The following CNTN5 variants were observed in gnomAD, a reference collection of about 807,000 sequenced individuals.
The protein encoded by CNTN5 is contactin-5.
A neutral mutation model predicts 129.1 loss-of-function variants in CNTN5; 77 were observed. That is an observed-to-expected ratio of 0.60 (90% confidence interval 0.50 to 0.72). The LOEUF (loss-of-function observed/expected upper bound fraction) is 0.72, where lower values mean the gene tolerates loss of function less well. Among genes scored for constraint, CNTN5 ranks in the 30% least tolerant of loss-of-function variants. The pLI, the probability that CNTN5 is intolerant of heterozygous loss-of-function variation, is 0.00. For missense variants in CNTN5, 1,478 were observed against 1,328.8 expected (o/e 1.11, Z -1.75); for synonymous variants, 509 against 465.6 (o/e 1.09, Z -1.20).
At chr11:99,557,233 T>C (rs1432994451) in intron 3 of CNTN5, among the ~76,000 whole-genome samples, 4 of 151,342 alleles carry the variant, frequency 2.6e-5, no homozygotes, top group Admixed American at 2.6e-4. Flanking sequence ...TCTATGCAAA[T>C]ATTGATATAA....
intron 3 of CNTN5, among the ~76,000 whole-genome samples, chr11:99,614,949 ATG>A (rs201480165): frequency 2.0e-5 from 3 of 151,052 alleles, no homozygotes; most frequent in Non-Finnish European, 4.4e-5. Context: ...ACTGTTGTTT[ATG>A]TGTGTGTGTG....
chr11:100,195,801 C>T (rs965569990), intron 15 of CNTN5, among the ~76,000 whole-genome samples: 3 of 151,916 alleles, frequency 2.0e-5, no homozygotes, highest in South Asian at 2.1e-4. Flanking sequence ...GGACACACAC[C>T]AGAGAAAATA....
intron 24 of CNTN5, among the ~76,000 whole-genome samples, chr11:100,355,208 G>C (rs1952495090): frequency 6.7e-6 from 1 of 149,760 alleles, no homozygotes; most frequent in African/African-American, 2.5e-5. Flanking sequence ...ATTTTATTTT[G>C]TTTGCTTTTT....
intron 9 of CNTN5, among the ~76,000 whole-genome samples, chr11:100,020,648 C>T (rs1941091667): frequency 6.6e-6 from 1 of 152,008 alleles, no homozygotes. Context: ...TCTCTGTTTG[C>T]AGATGACATA....
chr11:99,712,133 C>G (rs1370139407), intron 3 of CNTN5, among the ~76,000 whole-genome samples: 1 of 152,116 alleles, frequency 6.6e-6, no homozygotes, highest in East Asian at 1.9e-4. Flanking sequence ...CACGTCCTCT[C>G]CAGCATCTGT....
At chr11:99,655,583 A>G (rs1952325425) in intron 3 of CNTN5, among the ~76,000 whole-genome samples, 1 of 152,096 alleles carries the variant, frequency 6.6e-6, no homozygotes, top group Non-Finnish European at 1.5e-5. Flanking sequence ...AGTGTCAGTA[A>G]ATTACTCCCT....
chr11:99,732,809 A>T (rs182549447), intron 3 of CNTN5, among the ~76,000 whole-genome samples: 1 of 152,114 alleles, frequency 6.6e-6, no homozygotes, highest in East Asian at 1.9e-4. Flanking sequence ...GAATAGTATG[A>T]AAGATTAGTG....
At chr11:100,027,361 G>A (rs1298480041) in intron 9 of CNTN5, among the ~76,000 whole-genome samples, 1 of 152,086 alleles carries the variant, frequency 6.6e-6, no homozygotes, top group East Asian at 1.9e-4. Context: ...TGCTTTTTCA[G>A]ATAGGAACTG....
intron 13 of CNTN5, among the ~76,000 whole-genome samples, chr11:100,141,191 C>T (rs1418361418): frequency 1.3e-5 from 2 of 152,064 alleles, no homozygotes; most frequent in African/African-American, 4.8e-5. Context: ...AAAGGCAATA[C>T]ATACAGCCAT....
Position 100,356,549 on chromosome 11 carries a change from G to T in CNTN5, c.*329G>T, listed in dbSNP as rs200572758. The T allele has an allele frequency of 3.9e-6, 1 of 254,898 alleles. No individual in the cohort carries two copies. The highest frequency in any genetic ancestry group is 7.5e-6 in the Non-Finnish European group (1 of 133,052). 15.8% of individuals were successfully genotyped at this position (254,898 alleles called of 1,614,324 possible). A position where few individuals can be genotyped will look rare whatever the true frequency, so the allele number is the denominator to read the frequency against. On this transcript the variant is annotated 3_prime_UTR_variant, in exon 25 of 25. Transcript: ENST00000524871. ...ATTTTATTTTATATCTGATGACTCC[G>T]AGTGTGTGCCATCCATTTGTTAAGT...
intron 3 of CNTN5, among the ~76,000 whole-genome samples, chr11:99,815,043 G>T (rs1946539700): frequency 6.6e-6 from 1 of 151,836 alleles, no homozygotes; most frequent in Non-Finnish European, 1.5e-5. Flanking sequence ...GGGGGAAACT[G>T]CCCCCCTGAC....
intron 3 of CNTN5, among the ~76,000 whole-genome samples, chr11:99,811,090 T>A (rs1946415386): frequency 6.6e-6 from 1 of 152,146 alleles, no homozygotes; most frequent in African/African-American, 2.4e-5. Context: ...TATATGAATA[T>A]CTGTCATTTC....
intron 7 of CNTN5, among the ~76,000 whole-genome samples, chr11:99,922,513 A>G (rs1436334185): frequency 6.6e-6 from 1 of 152,208 alleles, no homozygotes; most frequent in Non-Finnish European, 1.5e-5. Context: ...ATAACCTGAT[A>G]CGTGCTAGAA....
intron 3 of CNTN5, among the ~76,000 whole-genome samples, chr11:99,628,932 C>T (rs549792612): frequency 6.6e-6 from 1 of 152,124 alleles, no homozygotes; most frequent in African/African-American, 2.4e-5. Context: ...GAGATAGTGG[C>T]ACTTGCTTGT....
chr11:99,682,767 A>G (rs1953614203), intron 3 of CNTN5, among the ~76,000 whole-genome samples: 1 of 151,978 alleles, frequency 6.6e-6, no homozygotes. Context: ...CATCAGTCAA[A>G]TGGAAACAAT....
intron 16 of CNTN5, among the ~76,000 whole-genome samples, chr11:100,235,050 A>T (rs1949580392): frequency 6.6e-6 from 1 of 152,170 alleles, no homozygotes; most frequent in South Asian, 2.1e-4. Flanking sequence ...AAATTATACC[A>T]AGTGTCATGA....
chr11:99,504,434 G>T (rs375876036), intron 2 of CNTN5, among the ~76,000 whole-genome samples: 1 of 151,640 alleles, frequency 6.6e-6, no homozygotes, highest in East Asian at 1.9e-4. Context: ...CCAGCTACTT[G>T]GGAGGCTGAG....
intron 1 of CNTN5, among the ~76,000 whole-genome samples, chr11:99,306,746 GATAATAATAATAATA>G (rs3084742): frequency 7.5e-5 from 11 of 147,044 alleles, no homozygotes; most frequent in Middle Eastern, 3.6e-3. Flanking sequence ...AAATAATGAT[GATAATAATAATAATA>G]ATAATAATAA....
intron 3 of CNTN5, among the ~76,000 whole-genome samples, chr11:99,798,613 C>A (rs1180103285): frequency 2.6e-5 from 4 of 151,974 alleles, no homozygotes; most frequent in Non-Finnish European, 5.9e-5. Context: ...CTATTCTGTT[C>A]CATTGATTTG....
Sources: allele counts gnomAD v4.1 joint callset (sites outside exome capture counted in the v4.1 genomes callset), GRCh38; gene constraint gnomAD v4.1.1; transcripts MANE v1.5; gene names NCBI Gene and HGNC (gene_info 2026-07-23, HGNC 2026-07-21).